The following KAZN variants were observed in gnomAD, a reference collection of about 807,000 sequenced individuals.
The protein encoded by KAZN is kazrin.
In KAZN, 40 loss-of-function variants were observed where a neutral mutation model predicts 87.4. That is an observed-to-expected ratio of 0.46 (90% CI 0.36 to 0.60). KAZN has a LOEUF of 0.60. KAZN is among the 20% of genes least tolerant of loss of function. KAZN has a pLI of 0.00. For synonymous variants in KAZN, 466 were observed against 458.3 expected, an observed-to-expected ratio of 1.02 and a Z score of -0.22; for missense variants, 898 against 1,073.9, an observed-to-expected ratio of 0.84 and a Z score of 2.29.
At chr1:15,011,679 G>A (rs553773964) in intron 2 of KAZN, among the ~76,000 whole-genome samples, 17 of 152,276 alleles carry the variant, frequency 1.1e-4, no homozygotes, top group African/African-American at 2.2e-4. Flanking sequence ...AAGTTTGCCC[G>A]GATGAATGAG....
At chr1:14,047,546 G>A (rs773500363) in intron 1 of KAZN, among the ~76,000 whole-genome samples, 7 of 152,144 alleles carry the variant, frequency 4.6e-5, no homozygotes, top group Non-Finnish European at 1.0e-4. Flanking sequence ...GGTTGCCCAA[G>A]CTGCTTGCAG....
intron 1 of KAZN, among the ~76,000 whole-genome samples, chr1:13,953,660 A>G (rs550932516): frequency 1.3e-5 from 2 of 151,868 alleles, no homozygotes; most frequent in East Asian, 3.9e-4. Context: ...ATTTGTTCTG[A>G]AAGTTCACTA....
chr1:14,160,090 T>C (rs1645677803), intron 1 of KAZN, among the ~76,000 whole-genome samples: 1 of 152,222 alleles, frequency 6.6e-6, no homozygotes, highest in Admixed American at 6.5e-5. Context: ...TTAGCTGTCA[T>C]GTGACCTTCT....
chr1:14,652,025 C>T (rs1638413894), intron 1 of KAZN, among the ~76,000 whole-genome samples: 1 of 152,200 alleles, frequency 6.6e-6, no homozygotes, highest in South Asian at 2.1e-4. Context: ...TCCTACAGAA[C>T]AGGACATTTT....
At chr1:14,817,648 G>A (rs927521811) in intron 1 of KAZN, among the ~76,000 whole-genome samples, 7 of 152,118 alleles carry the variant, frequency 4.6e-5, no homozygotes, top group Non-Finnish European at 8.8e-5. Context: ...TAGAAGTCAC[G>A]TGAGGTTAAT....
chr1:14,096,583 T>C (rs1644133806), intron 1 of KAZN, among the ~76,000 whole-genome samples: 2 of 152,222 alleles, frequency 1.3e-5, no homozygotes, highest in Admixed American at 6.5e-5. Context: ...ATCAGGAGAA[T>C]TGACATTTAT....
At chr1:14,636,927 G>A (rs1229455860) in intron 1 of KAZN, among the ~76,000 whole-genome samples, 1 of 152,132 alleles carries the variant, frequency 6.6e-6, no homozygotes, top group African/African-American at 2.4e-5. Flanking sequence ...GTGTTGGAGG[G>A]GAAATTCGAC....
intron 2 of KAZN, among the ~76,000 whole-genome samples, chr1:14,368,572 C>A (rs1660205210): frequency 6.6e-6 from 1 of 152,184 alleles, no homozygotes; most frequent in Non-Finnish European, 1.5e-5. Flanking sequence ...CTTGATAGCT[C>A]AGATGCAGAA....
chr1:13,893,747 A>G, exon 1 of KAZN: 1 of 1,550,554 alleles, frequency 6.4e-7, no homozygotes, highest in Non-Finnish European at 8.7e-7. Context: ...GTGCCAACTT[A>G]TGCAAGCAGG....
intron 2 of KAZN, among the ~76,000 whole-genome samples, chr1:14,395,602 G>A (rs950671407): frequency 2.6e-5 from 4 of 152,086 alleles, no homozygotes; most frequent in South Asian, 2.1e-4. Context: ...TACTTACCCC[G>A]ACACCTCCTC....
At chr1:14,531,409 G>A (rs867827140) in intron 2 of KAZN, among the ~76,000 whole-genome samples, 2 of 152,116 alleles carry the variant, frequency 1.3e-5, no homozygotes, top group African/African-American at 4.8e-5. Flanking sequence ...CACTGTATTC[G>A]CAAACCCCAC....
chr1:14,386,491 T>C (rs1469350738), intron 2 of KAZN, among the ~76,000 whole-genome samples: 7 of 151,924 alleles, frequency 4.6e-5, no homozygotes, highest in Non-Finnish European at 8.8e-5. Flanking sequence ...CTTCAGGAGC[T>C]CTTTTAGGGC....
At chr1:14,973,956 C>T (rs909842678) in intron 2 of KAZN, among the ~76,000 whole-genome samples, 1 of 151,986 alleles carries the variant, frequency 6.6e-6, no homozygotes, top group Admixed American at 6.6e-5. Context: ...TGGCAGGGCT[C>T]AGCTAGGCGA....
intron 2 of KAZN, among the ~76,000 whole-genome samples, chr1:14,547,614 G>A (rs759254863): frequency 2.0e-5 from 3 of 151,892 alleles, no homozygotes; most frequent in African/African-American, 4.8e-5. Flanking sequence ...ACAGAGTCTC[G>A]CTCTGTCGCC....
intron 1 of KAZN, among the ~76,000 whole-genome samples, chr1:14,933,056 A>G (rs116519757): frequency 0.013 from 1,956 of 152,142 alleles, 62 homozygotes; most frequent in African/African-American, 0.044. Context: ...ACCTCATCTA[A>G]GTAGGATCAC....
chr1:14,612,309 C>T (rs1022755628), intron 1 of KAZN, among the ~76,000 whole-genome samples: 2 of 152,174 alleles, frequency 1.3e-5, no homozygotes, highest in Admixed American at 1.3e-4. Context: ...AAGACCCGCG[C>T]TCTAACCCCT....
At chr1:14,789,740 G>A (rs1434712726) in intron 1 of KAZN, among the ~76,000 whole-genome samples, 2 of 109,024 alleles carry the variant, frequency 1.8e-5, no homozygotes, top group African/African-American at 3.6e-5. Flanking sequence ...TGAAGGCAAG[G>A]ACTCTAAGCT....
chr1:15,090,946 A>G lies in KAZN; in HGVS notation c.1223-3234A>G, dbSNP rs560539748. Among the ~76,000 whole-genome samples, 5 of 152,318 alleles carry G rather than the reference A, an allele frequency of 3.3e-5. 1 individual carries two copies. The highest frequency in any genetic ancestry group is 1.2e-4 in the African/African-American group (5 of 41,570). ...ACCAGGTGGATACAGTCCTTTTCAA[A>G]GAGTCCCTCAAGGAGTTTAAAATGG... On this transcript the variant is annotated intron_variant, in intron 8 of 14. Coordinates refer to ENST00000376030, the MANE Select transcript of KAZN (RefSeq NM_201628.3).
chr1:15,073,399 C>T (rs868195081), intron 8 of KAZN, among the ~76,000 whole-genome samples: 27 of 152,156 alleles, frequency 1.8e-4, no homozygotes, highest in Admixed American at 3.3e-4. Flanking sequence ...AGGGTGGCAG[C>T]GTAGTGCCCG....
Sources: allele counts gnomAD v4.1 joint callset (sites outside exome capture counted in the v4.1 genomes callset), GRCh38; gene constraint gnomAD v4.1.1; transcripts MANE v1.5; gene names NCBI Gene and HGNC (gene_info 2026-07-23, HGNC 2026-07-21).